The following HIVEP1 variants were observed in gnomAD, a reference collection of about 807,000 sequenced individuals.
HIVEP1 encodes the protein zinc finger protein 40.
In HIVEP1, 36 loss-of-function variants were observed where a neutral mutation model predicts 180.0. The ratio of observed to expected loss-of-function variants is 0.20; its 90% CI spans 0.15 to 0.26. The LOEUF is 0.26. HIVEP1 is among the 10% of genes least tolerant of loss of function. The probability of loss-of-function intolerance (pLI) is 1.00; values close to 1 mark genes in which losing one functional copy is unlikely to be tolerated. For missense variants in HIVEP1, 3,143 were observed against 3,268.7 expected (o/e 0.96, Z 0.94); for synonymous variants, 1,239 against 1,239.0 (o/e 1.00, Z 0.00).
At position 12,124,375 on chromosome 6, in the gene HIVEP1, C is replaced by T. The variant is rs781087469; in HGVS notation, c.4580C>T (p.Thr1527Ile). ...QIHAPPSHQSTQLSLQVSTQG... is the reference protein window; with the variant it reads ...QIHAPPSHQSIQLSLQVSTQG... ...CATGCACCGCCTAGCCACCAGAGCA[C>T]ACAGCTATCTCTGCAAGTGTCTACG... Residue 1527 changes from threonine to isoleucine, a missense_variant, in exon 4 of 9, where the codon ACA becomes ATA. Physicochemically the swap from Thr to Ile is moderately conservative, Grantham distance 89 (BLOSUM62 -1). Coordinates refer to ENST00000379388, the MANE Select transcript of HIVEP1 (RefSeq NM_002114.4). 2.4e-5 allele frequency: 38 copies of T among 1,614,006 alleles called. No individual in the cohort carries two copies. In the Admixed American group the frequency reaches 4.2e-4, roughly 18 times the overall value.
chr6:12,051,028 A>ATATATATATATATATG (rs1195272910), intron 2 of HIVEP1, among the ~76,000 whole-genome samples: 3 of 136,146 alleles, frequency 2.2e-5, no homozygotes, highest in African/African-American at 3.1e-5. Flanking sequence ...ATATATATAT[A>ATATATATATATATATG]TATGTATATT....
chr6:12,067,421 G>A (rs752945672), intron 2 of HIVEP1, among the ~76,000 whole-genome samples: 6 of 151,932 alleles, frequency 3.9e-5, no homozygotes, highest in Admixed American at 1.3e-4. Flanking sequence ...TTGACTGGCC[G>A]TTTAGCCATT....
chr6:12,116,530 C>T (rs1016912999), intron 3 of HIVEP1, among the ~76,000 whole-genome samples: 2 of 151,952 alleles, frequency 1.3e-5, no homozygotes, highest in Admixed American at 6.6e-5. Flanking sequence ...CTCCACTAGC[C>T]TCTCCCCTCC....
At chr6:12,208,759 G>A in the HIVEP1 span, among the ~76,000 whole-genome samples, 9 of 152,142 alleles carry the variant, frequency 5.9e-5, no homozygotes, top group African/African-American at 2.2e-4. Flanking sequence ...CCATCTACCA[G>A]CCAAGGAGGG....
At chr6:12,208,267 T>C in the HIVEP1 span, among the ~76,000 whole-genome samples, 1 of 152,198 alleles carries the variant, frequency 6.6e-6, no homozygotes, top group South Asian at 2.1e-4. Context: ...AAAAGATTGG[T>C]GATGACTTTG....
intron 2 of HIVEP1, among the ~76,000 whole-genome samples, chr6:12,042,139 G>A (rs1203918242): frequency 7.4e-5 from 11 of 149,064 alleles, no homozygotes; most frequent in Non-Finnish European, 1.5e-4. Flanking sequence ...GACTGCAGTG[G>A]CGCAATCTCG....
chr6:12,103,676 G>C (rs1774241309), intron 3 of HIVEP1, among the ~76,000 whole-genome samples: 1 of 151,918 alleles, frequency 6.6e-6, no homozygotes, highest in African/African-American at 2.4e-5. Context: ...TTTGAGGGAA[G>C]GAGAAGAGTA....
chr6:12,159,473 A>G (rs1180860704), intron 7 of HIVEP1, among the ~76,000 whole-genome samples: 1 of 151,950 alleles, frequency 6.6e-6, no homozygotes, highest in Admixed American at 6.5e-5. Context: ...TTACAATGCC[A>G]AACAATCCTG....
chr6:12,195,387 A>G, the HIVEP1 span, among the ~76,000 whole-genome samples: 6 of 152,212 alleles, frequency 3.9e-5, no homozygotes, highest in Non-Finnish European at 7.3e-5. Flanking sequence ...TTCTGATTTC[A>G]AAATGGGGAA....
chr6:12,135,965 A>G (rs1182233598), intron 7 of HIVEP1, 73 bp downstream of exon 7: 11 of 795,934 alleles, frequency 1.4e-5, no homozygotes, highest in Non-Finnish European at 2.1e-5. Flanking sequence ...TACCCTTTCC[A>G]TTCCCACTGA....
At position 12,120,935 on chromosome 6, in the gene HIVEP1, C is replaced by A. The variant is rs748286120; in HGVS notation, c.1140C>A (p.Ala380=). 1 of 1,613,998 alleles carries A rather than the reference C, an allele frequency of 6.2e-7. No homozygotes were observed. The highest frequency in any genetic ancestry group is 8.5e-7 in the Non-Finnish European group (1 of 1,180,030). ...PMPIYNSTHV[A]SVVNQSVEQM... Reference sequence around the variant, plus strand: ...CAATCTATAATTCAACTCATGTTGCCTCTGTTGTTAATCAAAGCGTAGAGC... The same window carrying A: ...CAATCTATAATTCAACTCATGTTGCATCTGTTGTTAATCAAAGCGTAGAGC... The change falls in exon 4 of 9, where the codon GCC becomes GCA. Residue 380 remains alanine, a synonymous_variant. Transcript: ENST00000379388.
In HIVEP1 at chr6:12,122,832, T is replaced by C. The variant is rs755596820; in HGVS notation, c.3037T>C (p.Tyr1013His). 1.2e-6 allele frequency: 2 copies of C among 1,614,000 alleles called. No individual in the cohort carries two copies. The highest frequency in any genetic ancestry group is 1.1e-5 in the South Asian group (1 of 91,082). Residue 1013 changes from tyrosine (Y) to histidine (H), a missense_variant, in exon 4 of 9, where the codon TAC becomes CAC. Physicochemically the swap from Tyr to His is moderately conservative, Grantham distance 83. This residue lies in a region of HIVEP1 where 1,357 missense variants were observed against 1,260.5 expected (regional missense o/e 1.08). Coordinates refer to ENST00000379388, the MANE Select transcript of HIVEP1 (RefSeq NM_002114.4). ...CGGTCTGCAGCCTCAGATTCTACAC[T>C]ACAGAGTCGCTGGGTCCTCCGGCAT... The part of the protein sequence containing the change: ...PGGLQPQILH[Y>H]RVAGSSGIWE...
chr6:12,120,984 G>C lies in HIVEP1; in HGVS notation c.1189G>C (p.Asp397His), dbSNP rs777159330. ...VEQMCNLLLK[D>H]QKPKKQGKYI... ...GCAAATGTGCAATCTTCTTCTGAAAGATCAGAAGCCAAAAAAACAAGGAAA... is the reference window on the plus strand; with the variant it reads ...GCAAATGTGCAATCTTCTTCTGAAACATCAGAAGCCAAAAAAACAAGGAAA... Residue 397 changes from aspartate (D) to histidine (H), a missense_variant, in exon 4 of 9, where the codon GAT (aspartate) becomes CAT (histidine). Transcript: ENST00000379388. 3.1e-6 allele frequency: 5 copies of C among 1,614,026 alleles called. No individual in the cohort carries two copies. The South Asian group carries it at 5.5e-5, about 18-fold the overall frequency.
At chr6:12,111,619 G>A (rs560992219) in intron 3 of HIVEP1, among the ~76,000 whole-genome samples, 41 of 152,294 alleles carry the variant, frequency 2.7e-4, no homozygotes, top group Admixed American at 9.8e-4. Flanking sequence ...TTCTTTGGAC[G>A]GGAGCTCTCT....
chr6:12,185,420 C>T, the HIVEP1 span, among the ~76,000 whole-genome samples: 5 of 152,186 alleles, frequency 3.3e-5, no homozygotes, highest in Admixed American at 6.6e-5. Context: ...ATGTGAAACT[C>T]CATGATTTCT....
In HIVEP1 at chr6:12,123,933, G is replaced by T. The variant is rs776170772; in HGVS notation, c.4138G>T (p.Val1380Phe). ...QINCTQTSME[V>F]SDLRSKSFDC... ...TAATTGCACGCAAACGTCAATGGAG[G>T]TCTCTGATCTCAGAAGCAAATCATT... is the stretch of plus-strand genomic sequence containing the variant. The change falls in exon 4 of 9, where the codon GTC becomes TTC. Residue 1380 changes from valine to phenylalanine, a missense_variant. Physicochemically the swap from Val to Phe is conservative, Grantham distance 50 (BLOSUM62 -1). Transcript: ENST00000379388. 3.1e-6 allele frequency: 5 copies of T among 1,614,112 alleles called. No homozygotes were observed. In the East Asian group the frequency reaches 1.1e-4, roughly 36 times the overall value.
chr6:12,056,692 T>C (rs1770899649), intron 2 of HIVEP1, among the ~76,000 whole-genome samples: 1 of 152,218 alleles, frequency 6.6e-6, no homozygotes, highest in Non-Finnish European at 1.5e-5. Flanking sequence ...AATACTATCA[T>C]TGGTAAAAAC....
At position 12,120,891 on chromosome 6, in the gene HIVEP1, A is replaced by G. The variant is rs1757597185; in HGVS notation, c.1096A>G (p.Thr366Ala). ...TTTGTCAATAAGTCCGGCTAATTCTACACAGTCGCCCCCCATGCCAATCTA... is the reference window on the plus strand; with the variant it reads ...TTTGTCAATAAGTCCGGCTAATTCTGCACAGTCGCCCCCCATGCCAATCTA... ...SPLSISPANS[T>A]QSPPMPIYNS... Residue 366 changes from threonine to alanine, a missense_variant, in exon 4 of 9, where the codon ACA becomes GCA. This residue lies in a region of HIVEP1 where 306 missense variants were observed against 310.6 expected (regional missense o/e 0.99). Transcript: ENST00000379388. 1 of 1,614,208 alleles carries G rather than the reference A, an allele frequency of 6.2e-7. No individual in the cohort carries two copies. Among genetic ancestry groups the G allele is most frequent in the Non-Finnish European group, 8.5e-7 (1 of 1,180,036 alleles).
At chr6:12,158,605 G>T (rs1315628802) in intron 7 of HIVEP1, among the ~76,000 whole-genome samples, 1 of 152,136 alleles carries the variant, frequency 6.6e-6, no homozygotes, top group Non-Finnish European at 1.5e-5. Context: ...TCTCGTACCT[G>T]CACCATTTTC....
Sources: gnomAD v4.1 joint callset for allele counts (sites outside exome capture counted in the v4.1 genomes callset) on GRCh38, gnomAD v4.1.1 for gene constraint, gnomAD v4.1.1 regional missense constraint, MANE v1.5 for transcripts, NCBI Gene and HGNC (gene_info 2026-07-23, HGNC 2026-07-21) for gene names.